HNRNPLL: variants seen among roughly 807,000 people sequenced by gnomAD.
HNRNPLL encodes the protein heterogeneous nuclear ribonucleoprotein L like, also known as heterogeneous nuclear ribonucleoprotein L-like.
A neutral mutation model predicts 67.1 loss-of-function variants in HNRNPLL; 25 were observed. The observed-to-expected ratio is 0.37, with a 90% CI of 0.27 to 0.52. The LOEUF (loss-of-function observed/expected upper bound fraction) is 0.52, where lower values mean the gene tolerates loss of function less well. Among genes scored for constraint, HNRNPLL ranks in the 20% least tolerant of loss-of-function variants. The probability of loss-of-function intolerance (pLI) is 0.90; values close to 1 mark genes in which losing one functional copy is unlikely to be tolerated. For synonymous variants in HNRNPLL, 267 were observed against 241.7 expected (o/e 1.10, Z -0.97); for missense variants, 542 against 673.9 (o/e 0.80, Z 2.17).
intron 12 of HNRNPLL, 102 bp from the exon 13 acceptor site, chr2:38,564,339 G>C (rs540677568): frequency 7.4e-6 from 5 of 672,600 alleles, no homozygotes; most frequent in African/African-American, 7.4e-5. Context: ...CTAAATATAA[G>C]AAATATGGTG....
rs1471653592 is a variant in HNRNPLL, at chr2:38,581,768, G to A, written c.802+145C>T. ...CACTAATGTTCAAGGTTATTTTCCA[G>A]CATTACATGGCCTTTTGCAACAAAA... On this transcript the variant is annotated intron_variant, in intron 6 of 12. Transcript: ENST00000449105. 7.7e-6 allele frequency: 5 copies of A among 645,838 alleles called. No homozygotes were observed. In the Admixed American group the frequency reaches 1.3e-4, roughly 17 times the overall value. 40.0% of individuals were successfully genotyped at this position (645,838 alleles called of 1,614,324 possible).
intron 6 of HNRNPLL, among the ~76,000 whole-genome samples, chr2:38,580,502 C>T (rs1470871395): frequency 6.6e-6 from 1 of 152,178 alleles, no homozygotes; most frequent in Non-Finnish European, 1.5e-5. Flanking sequence ...AGAGTACATG[C>T]ACTATAGAGT....
intron 6 of HNRNPLL, chr2:38,578,117 A>C (rs1558535129): frequency 2.4e-6 from 1 of 425,382 alleles, no homozygotes; most frequent in Admixed American, 2.6e-5. Context: ...CTCATATTAT[A>C]TCATGAATAG....
chr2:38,585,195 G>A (rs1666678826), intron 3 of HNRNPLL, among the ~76,000 whole-genome samples: 1 of 152,144 alleles, frequency 6.6e-6, no homozygotes. Flanking sequence ...AAAGAGTAAA[G>A]AAGCAGGGAA....
At chr2:38,594,018 C>CA (rs1667073462) in intron 1 of HNRNPLL, among the ~76,000 whole-genome samples, 1 of 151,658 alleles carries the variant, frequency 6.6e-6, no homozygotes, top group African/African-American at 2.4e-5. Context: ...ACTAAAAATA[C>CA]AAAAAAATTA....
chr2:38,602,189 T>TC, intron 1 of HNRNPLL: 1 of 439,946 alleles, frequency 2.3e-6, no homozygotes, highest in Non-Finnish European at 4.0e-6. Context: ...GCCGCGACCC[T>TC]CCCCAAGTTC....
rs180728190 is a variant in HNRNPLL at position 38,592,099 on chromosome 2, A to G, written c.190-451T>C. On this transcript the variant is annotated intron_variant, in intron 1 of 12. Coordinates refer to ENST00000449105, the MANE Select transcript of HNRNPLL (RefSeq NM_138394.4). The stretch of plus-strand genomic sequence containing the variant: ...TCGCAATTCACAAGTTAGCAAAAGG[A>G]TATGAGAATAAAATAAATGTTTGTT... 3.7e-4 allele frequency among the ~76,000 whole-genome samples: 56 copies of G among 152,382 alleles called. No homozygotes were observed. The East Asian group carries it at 0.011, about 29-fold the overall frequency.
intron 6 of HNRNPLL, among the ~76,000 whole-genome samples, 174 bp from the exon 7 acceptor site, chr2:38,577,706 G>A (rs1666353965): frequency 1.3e-5 from 2 of 152,046 alleles, no homozygotes; most frequent in Admixed American, 1.3e-4. Flanking sequence ...CACCAAGAGT[G>A]TAAAAAATTA....
In HNRNPLL at chr2:38,602,662, G is replaced by T. The variant is rs748463243; in HGVS notation, c.-36C>A. 13 of 1,462,988 alleles carry T rather than the reference G, an allele frequency of 8.9e-6. No homozygotes were observed. The highest frequency in any genetic ancestry group is 1.2e-5 in the Non-Finnish European group (13 of 1,112,420). The allele number at this position is 1,462,988 out of a possible 1,614,324, so 90.6% of individuals were successfully genotyped here. On this transcript the variant is annotated 5_prime_UTR_variant, in exon 1 of 13. Coordinates refer to ENST00000449105, the MANE Select transcript of HNRNPLL (RefSeq NM_138394.4). ...GGAGGGACCGGCTGGCAGGCGGGTGGGGGTGGCGGTGGGGCGCGCGCCTCG... is the reference window on the plus strand; with the variant it reads ...GGAGGGACCGGCTGGCAGGCGGGTGTGGGTGGCGGTGGGGCGCGCGCCTCG...
chr2:38,566,937 T>TG lies in HNRNPLL; in HGVS notation c.1573+1261dup, dbSNP rs540787794. Among the ~76,000 whole-genome samples, 3 of 151,878 alleles carry TG rather than the reference T, an allele frequency of 2.0e-5. No individual in the cohort carries two copies. In the East Asian group the frequency reaches 5.8e-4, roughly 29 times the overall value. Reference sequence around the variant, plus strand: ...CAGAAGCAACCAGACTGTTCATCAGTGGGGGGACGGGTAAATAAGACAAAA... The same window carrying TG: ...CAGAAGCAACCAGACTGTTCATCAGTGGGGGGGACGGGTAAATAAGACAAAA... On this transcript the variant is annotated intron_variant, in intron 12 of 12. Transcript: ENST00000449105.
chr2:38,602,586 T>C lies in HNRNPLL; in HGVS notation c.41A>G (p.Glu14Gly). Residue 14 changes from glutamate (E) to glycine (G), a missense_variant, in exon 1 of 13, where the codon GAG becomes GGG. Transcript: ENST00000449105. ...GGCCTGGCTCTCGTACTCCCGGTCC[T>C]CCTCGTACGTCTCCCTGGGGGAGGA... Reference protein sequence around the residue: ...SSSSPRETYEEDREYESQAKR... With the variant: ...SSSSPRETYEGDREYESQAKR... 1 of 1,571,782 alleles carries C rather than the reference T, an allele frequency of 6.4e-7. No individual in the cohort carries two copies. The highest frequency in any genetic ancestry group is 1.4e-5 in the African/African-American group (1 of 73,350).
At chr2:38,568,936 A>G (rs2148337750) in intron 10 of HNRNPLL, among the ~76,000 whole-genome samples, 197 bp downstream of exon 10, 1 of 152,328 alleles carries the variant, frequency 6.6e-6, no homozygotes, top group African/African-American at 2.4e-5. Context: ...ATTGAGCCAC[A>G]AATCAACGAA....
intron 1 of HNRNPLL, among the ~76,000 whole-genome samples, chr2:38,592,186 T>C (rs1666987483): frequency 6.6e-6 from 1 of 152,344 alleles, no homozygotes; most frequent in East Asian, 1.9e-4. Flanking sequence ...AAAGATGTTA[T>C]TTAATAATAT....
rs70954733 is a variant in HNRNPLL, at chr2:38,588,546, C to CAAAAAAAAAA, written c.309-2675_309-2666dup. On this transcript the variant is annotated intron_variant, in intron 2 of 12. Coordinates refer to ENST00000449105, the MANE Select transcript of HNRNPLL (RefSeq NM_138394.4). ...TGGGTGACAGAGTGAAACTCCATCT[C>CAAAAAAAAAA]AAAAAAAAAAAAAAAAAAAAAGGGT... 3.0e-3 allele frequency among the ~76,000 whole-genome samples: 151 copies of CAAAAAAAAAA among 50,966 alleles called. 9 individuals are homozygous for CAAAAAAAAAA. Among genetic ancestry groups the CAAAAAAAAAA allele is most frequent in the South Asian group, 8.0e-3 (11 of 1,380 alleles). The allele number at this position is 50,966 out of a possible 152,430, so 33.4% of individuals were successfully genotyped here.
chr2:38,579,542 G>A (rs1334094140), intron 6 of HNRNPLL, among the ~76,000 whole-genome samples: 1 of 152,038 alleles, frequency 6.6e-6, no homozygotes, highest in Non-Finnish European at 1.5e-5. Flanking sequence ...TTTCTAAACA[G>A]TGGTAAGCTT....
At chr2:38,575,107 T>C (rs889607551) in intron 7 of HNRNPLL, among the ~76,000 whole-genome samples, 3 of 151,746 alleles carry the variant, frequency 2.0e-5, no homozygotes, top group Middle Eastern at 3.2e-3. Context: ...ACCTCTGAGA[T>C]CTACTGCCCT....
At chr2:38,588,132 T>G (rs1180948971) in intron 2 of HNRNPLL, among the ~76,000 whole-genome samples, 1 of 152,146 alleles carries the variant, frequency 6.6e-6, no homozygotes, top group Admixed American at 6.5e-5. Context: ...CTTAATAAAT[T>G]ACCCACTCTC....
chr2:38,595,659 C>T (rs1667153670), intron 1 of HNRNPLL, among the ~76,000 whole-genome samples: 1 of 152,106 alleles, frequency 6.6e-6, no homozygotes, highest in Admixed American at 6.5e-5. Context: ...GCCTGGCCAA[C>T]ATGGTGAAAC....
chr2:38,602,028 G>A (rs76041383), intron 1 of HNRNPLL: 6,368 of 199,494 alleles, frequency 0.032, 245 homozygotes, highest in Admixed American at 0.13. Flanking sequence ...CCGGGATGGT[G>A]ACCAACGCGC....
Sources: gnomAD v4.1 joint callset for allele counts (sites outside exome capture counted in the v4.1 genomes callset) on GRCh38, gnomAD v4.1.1 for gene constraint, MANE v1.5 for transcripts, NCBI Gene and HGNC (gene_info 2026-07-23, HGNC 2026-07-21) for gene names.